Variants in CTXND1 observed in about 807,000 individuals in gnomAD.
The protein encoded by CTXND1 is cortexin domain containing 1.
rs540898240 is a variant in CTXND1 at position 80,243,735 on chromosome 15, T to C, written c.-218+8272A>G. On this transcript the variant is annotated intron_variant, in intron 1 of 2. Transcript: ENST00000560778. ...CAGACAGAGTGTGCAGATGTGGCTGTCTCACATTGGACTTAGTCCACCAGT... is the reference window on the plus strand; with the variant it reads ...CAGACAGAGTGTGCAGATGTGGCTGCCTCACATTGGACTTAGTCCACCAGT... Among the ~76,000 whole-genome samples, 9 of 152,320 alleles carry C rather than the reference T, an allele frequency of 5.9e-5. 1 individual carries two copies. The South Asian group carries it at 1.9e-3, about 32-fold the overall frequency.
intron 1 of CTXND1, among the ~76,000 whole-genome samples, chr15:80,241,712 C>T (rs1231967629): frequency 6.6e-6 from 1 of 152,186 alleles, no homozygotes; most frequent in Non-Finnish European, 1.5e-5. Context: ...ACTGTAGAGA[C>T]CCCAGGTGCC....
chr15:80,218,571 TC>T (rs1353690675), intron 1 of CTXND1, among the ~76,000 whole-genome samples: 16 of 152,294 alleles, frequency 1.1e-4, no homozygotes, highest in Admixed American at 4.6e-4. Flanking sequence ...TTCCTTGCTT[TC>T]CAATGAATTG....
chr15:80,248,903 C>G (rs1473179532), intron 1 of CTXND1, among the ~76,000 whole-genome samples: 2 of 152,054 alleles, frequency 1.3e-5, no homozygotes, highest in Non-Finnish European at 2.9e-5. Flanking sequence ...TGCCACCAGG[C>G]TGGGTTGCAG....
At chr15:80,215,996 C>CA (rs1384587098) in intron 1 of CTXND1, among the ~76,000 whole-genome samples, 3 of 152,160 alleles carry the variant, frequency 2.0e-5, no homozygotes, top group Non-Finnish European at 2.9e-5. Context: ...AAGGTCTGCT[C>CA]ATTAGTAGTT....
At chr15:80,233,005 C>T (rs1344429725) in intron 1 of CTXND1, among the ~76,000 whole-genome samples, 7 of 147,344 alleles carry the variant, frequency 4.8e-5, no homozygotes, top group African/African-American at 1.5e-4. Flanking sequence ...TGCAGTGGCG[C>T]GATCTTGGCC....
intron 1 of CTXND1, among the ~76,000 whole-genome samples, chr15:80,239,876 A>T (rs565649211): frequency 6.2e-4 from 94 of 152,282 alleles, no homozygotes; most frequent in Non-Finnish European, 1.1e-3. Flanking sequence ...AAAAAAATTA[A>T]GTCTTTTTTA....
rs1478181905 is a variant in CTXND1 at position 80,200,285 on chromosome 15, G to A, written c.*1485C>T. On this transcript the variant is annotated 3_prime_UTR_variant, in exon 3 of 3. Transcript: ENST00000560778. ...ATGTTTGCCCATGTTCTCTCATTTC[G>A]TCCTCACAACAACCTTGCGAGGTAG... 1.3e-5 allele frequency: 2 copies of A among 152,158 alleles called. No individual in the cohort carries two copies. The highest frequency in any genetic ancestry group is 3.9e-4 in the East Asian group (2 of 5,194). 9.4% of individuals were successfully genotyped at this position (152,158 alleles called of 1,614,324 possible). A position where few individuals can be genotyped will look rare whatever the true frequency, so the allele number is the denominator to read the frequency against.
intron 1 of CTXND1, among the ~76,000 whole-genome samples, chr15:80,224,314 G>A (rs984685344): frequency 6.6e-6 from 1 of 152,174 alleles, no homozygotes; most frequent in African/African-American, 2.4e-5. Flanking sequence ...CCAGATTTGT[G>A]AACAATAAAA....
intron 1 of CTXND1, among the ~76,000 whole-genome samples, chr15:80,217,381 T>A (rs1204271282): frequency 1.3e-5 from 2 of 152,132 alleles, no homozygotes; most frequent in African/African-American, 4.8e-5. Flanking sequence ...AATATTTTAT[T>A]TAGGATTCTT....
chr15:80,232,460 CT>C (rs1893441888), intron 1 of CTXND1, among the ~76,000 whole-genome samples: 1 of 152,174 alleles, frequency 6.6e-6, no homozygotes, highest in African/African-American at 2.4e-5. Flanking sequence ...AACAAACAGC[CT>C]TTAATGATTT....
At chr15:80,215,064 G>A (rs963637680) in intron 1 of CTXND1, among the ~76,000 whole-genome samples, 3 of 152,154 alleles carry the variant, frequency 2.0e-5, no homozygotes, top group African/African-American at 7.2e-5. Flanking sequence ...AGTTAAAATT[G>A]GCTCAAAATG....
chr15:80,234,268 C>G (rs16971871), intron 1 of CTXND1, among the ~76,000 whole-genome samples: 16,259 of 152,054 alleles, frequency 0.11, 908 homozygotes, highest in African/African-American at 0.13. Flanking sequence ...TCGTCTGAGA[C>G]CAGGGGACAT....
chr15:80,211,213 T>A (rs1489460173), intron 1 of CTXND1, among the ~76,000 whole-genome samples: 1 of 152,164 alleles, frequency 6.6e-6, no homozygotes, highest in Non-Finnish European at 1.5e-5. Flanking sequence ...CACCAGCTCC[T>A]GAAAATAGGA....
chr15:80,246,830 ATC>A (rs1893636708), intron 1 of CTXND1, among the ~76,000 whole-genome samples: 1 of 152,196 alleles, frequency 6.6e-6, no homozygotes. Context: ...GGGTCCCTGA[ATC>A]TGCATTTTAC....
intron 1 of CTXND1, among the ~76,000 whole-genome samples, chr15:80,245,947 A>T (rs1391055216): frequency 6.6e-6 from 1 of 152,196 alleles, no homozygotes; most frequent in Non-Finnish European, 1.5e-5. Context: ...ATGAAAATCA[A>T]ATCAACAACA....
At chr15:80,225,020 C>T (rs971522245) in intron 1 of CTXND1, among the ~76,000 whole-genome samples, 5 of 152,252 alleles carry the variant, frequency 3.3e-5, no homozygotes, top group South Asian at 2.1e-4. Flanking sequence ...CTGGGATTAC[C>T]GGCGTGAACA....
intron 1 of CTXND1, among the ~76,000 whole-genome samples, chr15:80,243,020 A>G (rs1893588429): frequency 6.6e-6 from 1 of 152,214 alleles, no homozygotes; most frequent in Non-Finnish European, 1.5e-5. Flanking sequence ...TTGATCTGTG[A>G]CCACATGAGC....
At chr15:80,246,919 C>T (rs943308600) in intron 1 of CTXND1, among the ~76,000 whole-genome samples, 24 of 152,286 alleles carry the variant, frequency 1.6e-4, no homozygotes, top group African/African-American at 4.8e-4. Flanking sequence ...TCCTCGCAGT[C>T]GGATTCAGAT....
At chr15:80,220,150 T>TATC (rs879367553) in intron 1 of CTXND1, among the ~76,000 whole-genome samples, 787 of 37,166 alleles carry the variant, frequency 0.021, 6 homozygotes, top group Middle Eastern at 0.053. Flanking sequence ...ATCTATCATC[T>TATC]ATCTATCTAT....
Sources: allele counts gnomAD v4.1 joint callset (sites outside exome capture counted in the v4.1 genomes callset), GRCh38; gene constraint gnomAD v4.1.1; transcripts MANE v1.5; gene names NCBI Gene and HGNC (gene_info 2026-07-23, HGNC 2026-07-21).